Variants in GABRG3 observed in about 807,000 individuals in gnomAD.
GABRG3 encodes the protein gamma-aminobutyric acid type A receptor subunit gamma3, also known as gamma-aminobutyric acid receptor subunit gamma-3.
GABRG3 carries 25 observed loss-of-function variants against 48.8 expected under a neutral mutation model. That is an observed-to-expected ratio of 0.51 (90% CI 0.37 to 0.72). The LOEUF (loss-of-function observed/expected upper bound fraction) is 0.72, where lower values mean the gene tolerates loss of function less well. GABRG3 is among the 30% of genes least tolerant of loss of function. GABRG3 has a pLI of 0.00. For missense variants in GABRG3, 394 were observed against 577.9 expected, an observed-to-expected ratio of 0.68 and a Z score of 3.26; for synonymous variants, 227 against 217.6, an observed-to-expected ratio of 1.04 and a Z score of -0.38.
intron 5 of GABRG3, among the ~76,000 whole-genome samples, chr15:27,336,352 A>G (rs1033549238): frequency 2.6e-5 from 4 of 152,196 alleles, no homozygotes; most frequent in Non-Finnish European, 5.9e-5. Flanking sequence ...GAAAGAAAGA[A>G]GAAATTGGTG....
At chr15:27,152,115 G>A (rs891054318) in intron 3 of GABRG3, among the ~76,000 whole-genome samples, 1 of 152,120 alleles carries the variant, frequency 6.6e-6, no homozygotes, top group African/African-American at 2.4e-5. Context: ...TTTTCCTAAA[G>A]GTTTTATAGT....
chr15:27,287,890 C>G (rs1336728123), intron 3 of GABRG3, among the ~76,000 whole-genome samples: 3 of 151,926 alleles, frequency 2.0e-5, no homozygotes, highest in African/African-American at 7.3e-5. Flanking sequence ...AGGCACCCAC[C>G]ACCACACCTG....
intron 3 of GABRG3, among the ~76,000 whole-genome samples, chr15:27,048,048 G>A (rs542956910): frequency 3.9e-5 from 6 of 152,212 alleles, no homozygotes; most frequent in Non-Finnish European, 5.9e-5. Flanking sequence ...TAGTCGGTGA[G>A]TGAGGGCCGC....
At chr15:27,143,237 C>T (rs1898137533) in intron 3 of GABRG3, among the ~76,000 whole-genome samples, 1 of 152,082 alleles carries the variant, frequency 6.6e-6, no homozygotes, top group African/African-American at 2.4e-5. Flanking sequence ...TGCCACCACG[C>T]CTGGATAATT....
chr15:27,029,007 G>A (rs1896033497), intron 3 of GABRG3, among the ~76,000 whole-genome samples: 1 of 152,156 alleles, frequency 6.6e-6, no homozygotes, highest in African/African-American at 2.4e-5. Flanking sequence ...GAACACGTGT[G>A]CACCAGCATC....
At chr15:27,012,825 G>T (rs1044454132) in intron 2 of GABRG3, among the ~76,000 whole-genome samples, 6 of 152,100 alleles carry the variant, frequency 3.9e-5, no homozygotes, top group African/African-American at 1.4e-4. Context: ...ATTATGCTCT[G>T]TCCTCAGACA....
At chr15:27,213,409 C>T (rs1419497239) in intron 3 of GABRG3, among the ~76,000 whole-genome samples, 2 of 152,152 alleles carry the variant, frequency 1.3e-5, no homozygotes, top group East Asian at 3.8e-4. Context: ...GGTTGGCTTC[C>T]TAGGCACAAA....
At chr15:27,448,834 T>TA (rs56654948) in intron 5 of GABRG3, among the ~76,000 whole-genome samples, 14,617 of 150,032 alleles carry the variant, frequency 0.097, 1,163 homozygotes, top group African/African-American at 0.22. Context: ...CGAAGTTATT[T>TA]AAAAAAAAAA....
chr15:27,278,738 G>A (rs1223782610), intron 3 of GABRG3, among the ~76,000 whole-genome samples: 1 of 152,202 alleles, frequency 6.6e-6, no homozygotes, highest in Non-Finnish European at 1.5e-5. Context: ...GTGATTATGA[G>A]AAAGCTGCTG....
intron 5 of GABRG3, among the ~76,000 whole-genome samples, chr15:27,353,426 C>T (rs999804429): frequency 1.4e-5 from 2 of 146,110 alleles, no homozygotes; most frequent in South Asian, 2.2e-4. Context: ...TTCTTTCTTT[C>T]TATTTATTTA....
intron 3 of GABRG3, among the ~76,000 whole-genome samples, chr15:27,064,048 G>T (rs1312579960): frequency 6.6e-6 from 1 of 152,166 alleles, no homozygotes; most frequent in Non-Finnish European, 1.5e-5. Context: ...CAGTAGATTC[G>T]TTTAATGTGT....
At chr15:26,987,389 T>G (rs2140643735) in intron 2 of GABRG3, among the ~76,000 whole-genome samples, 1 of 152,352 alleles carries the variant, frequency 6.6e-6, no homozygotes, top group East Asian at 1.9e-4. Flanking sequence ...GCTGTCTGCA[T>G]TTCATCACTC....
intron 3 of GABRG3, among the ~76,000 whole-genome samples, chr15:27,199,664 C>T (rs1021634263): frequency 5.3e-5 from 8 of 152,232 alleles, no homozygotes; most frequent in Admixed American, 3.9e-4. Flanking sequence ...CCTGCTCCCC[C>T]TTCCTTTCCA....
At chr15:27,134,331 C>T (rs1331176006) in intron 3 of GABRG3, among the ~76,000 whole-genome samples, 2 of 152,204 alleles carry the variant, frequency 1.3e-5, no homozygotes, top group Non-Finnish European at 2.9e-5. Flanking sequence ...AGACATGCTT[C>T]AGTTCCAGCC....
rs149826408 is a variant in GABRG3 at position 27,110,677 on chromosome 15, C to A, written c.270+83856C>A. 2.6e-4 allele frequency among the ~76,000 whole-genome samples: 39 copies of A among 150,268 alleles called. 1 individual carries two copies. In the South Asian group the frequency reaches 8.2e-3, roughly 31 times the overall value. On this transcript the variant is annotated intron_variant, in intron 3 of 9. Transcript: ENST00000615808. ...ATTTTAAGTTGGTGAGTTTTTTTTTCTTTGAACAATTTAAATATTTTCCTT... is the reference window on the plus strand; with the variant it reads ...ATTTTAAGTTGGTGAGTTTTTTTTTATTTGAACAATTTAAATATTTTCCTT...
At chr15:27,362,304 G>A (rs2140547550) in intron 5 of GABRG3, 1 of 152,350 alleles carries the variant, frequency 6.6e-6, no homozygotes, top group East Asian at 1.9e-4. Flanking sequence ...TTCAGTGACA[G>A]AATTAGGTGA....
chr15:27,125,262 A>C (rs968670288), intron 3 of GABRG3, among the ~76,000 whole-genome samples: 44 of 152,174 alleles, frequency 2.9e-4, no homozygotes, highest in African/African-American at 1.0e-3. Flanking sequence ...TAAATATTGC[A>C]TGGTCTCACT....
chr15:27,392,980 G>GTT (rs1169073419), intron 5 of GABRG3, among the ~76,000 whole-genome samples: 1 of 151,910 alleles, frequency 6.6e-6, no homozygotes, highest in South Asian at 2.1e-4. Flanking sequence ...CTTATATTCT[G>GTT]TTTTTTTCTC....
At chr15:27,055,936 A>G (rs1252982201) in intron 3 of GABRG3, among the ~76,000 whole-genome samples, 3 of 152,226 alleles carry the variant, frequency 2.0e-5, no homozygotes, top group African/African-American at 7.2e-5. Context: ...ATAAATGCAC[A>G]TATTGATGAG....
Sources: gnomAD v4.1 joint callset for allele counts (sites outside exome capture counted in the v4.1 genomes callset) on GRCh38, gnomAD v4.1.1 for gene constraint, MANE v1.5 for transcripts, NCBI Gene and HGNC (gene_info 2026-07-23, HGNC 2026-07-21) for gene names.